The following PDE1A variants were observed in gnomAD, a reference collection of about 807,000 sequenced individuals.
The protein encoded by PDE1A is dual specificity calcium/calmodulin-dependent 3',5'-cyclic nucleotide phosphodiesterase 1A.
A neutral mutation model predicts 61.7 loss-of-function variants in PDE1A; 35 were observed. The observed-to-expected ratio is 0.57, with a 90% CI of 0.43 to 0.75. PDE1A has a LOEUF of 0.75. PDE1A is among the 30% of genes least tolerant of loss of function. The pLI is 0.00. For missense variants in PDE1A, 597 were observed against 630.6 expected (o/e 0.95, Z 0.57); for synonymous variants, 232 against 213.2 (o/e 1.09, Z -0.77).
At chr2:182,333,257 C>G (rs750096134) in intron 1 of PDE1A, among the ~76,000 whole-genome samples, 2 of 152,128 alleles carry the variant, frequency 1.3e-5, no homozygotes, top group African/African-American at 2.4e-5. Flanking sequence ...AACTCTCCAT[C>G]CCAAATCAAC....
rs1213273547 is a variant in PDE1A, at chr2:182,208,279, AG to A, written c.777-2215del. Among the ~76,000 whole-genome samples, 6 of 152,226 alleles carry A rather than the reference AG, an allele frequency of 3.9e-5. No individual in the cohort carries two copies. The East Asian group carries it at 1.2e-3, about 29-fold the overall frequency. On this transcript the variant is annotated intron_variant, in intron 7 of 13. Transcript: ENST00000351439. The stretch of plus-strand genomic sequence containing the variant: ...ACAGTTCTGCATGGCTGGTGGGGGC[AG>A]GGGCCTCAGGAAACTTACAATCATG...
chr2:182,550,198 G>A, the PDE1A span, among the ~76,000 whole-genome samples: 9 of 152,192 alleles, frequency 5.9e-5, no homozygotes, highest in Admixed American at 3.3e-4. Flanking sequence ...AGAATGACAC[G>A]TAACTAGTTG....
chr2:182,679,458 C>G, the PDE1A span, among the ~76,000 whole-genome samples: 20 of 150,992 alleles, frequency 1.3e-4, no homozygotes, highest in African/African-American at 4.9e-4. Flanking sequence ...GCCTCAGCCT[C>G]CCAAAGTGCT....
At chr2:182,508,109 CTTT>C (rs74984401) in intron 2 of PDE1A, among the ~76,000 whole-genome samples, 1 of 139,370 alleles carries the variant, frequency 7.2e-6, no homozygotes. Flanking sequence ...GGTTAGAATT[CTTT>C]TTTTTTTTTT....
intron 1 of PDE1A, among the ~76,000 whole-genome samples, chr2:182,319,211 CAG>C (rs1559333104): frequency 6.6e-6 from 1 of 152,110 alleles, no homozygotes; most frequent in Non-Finnish European, 1.5e-5. Context: ...CAGAATTATA[CAG>C]AGTTAGGAGA....
downstream of PDE1A, among the ~76,000 whole-genome samples, chr2:182,143,885 T>G (rs1331036988): frequency 1.3e-5 from 2 of 152,154 alleles, no homozygotes; most frequent in Non-Finnish European, 2.9e-5. Flanking sequence ...CTATTTCTGC[T>G]CTGGGTGTGT....
intron 2 of PDE1A, among the ~76,000 whole-genome samples, chr2:182,263,481 CT>C (rs1692376860): frequency 6.6e-6 from 1 of 152,050 alleles, no homozygotes; most frequent in South Asian, 2.1e-4. Flanking sequence ...TTTAAGAGAC[CT>C]CTATTCTACC....
chr2:182,203,940 T>G (rs1418005489), intron 8 of PDE1A, among the ~76,000 whole-genome samples: 1 of 152,086 alleles, frequency 6.6e-6, no homozygotes, highest in Non-Finnish European at 1.5e-5. Flanking sequence ...GTACACTATT[T>G]GTTAAAACAA....
intron 1 of PDE1A, among the ~76,000 whole-genome samples, chr2:182,393,546 A>G (rs1489671720): frequency 6.6e-6 from 1 of 152,132 alleles, no homozygotes; most frequent in African/African-American, 2.4e-5. Context: ...TCCTCAGAAG[A>G]TGGGTTTTTC....
At chr2:182,426,866 G>T (rs950769667) in exon 1 of PDE1A, 17 of 1,310,490 alleles carry the variant, frequency 1.3e-5, no homozygotes, top group Non-Finnish European at 1.7e-5. Flanking sequence ...AGCAGGGTGT[G>T]CAAAAACCAC....
the PDE1A span, among the ~76,000 whole-genome samples, chr2:182,538,189 A>G: frequency 3.3e-5 from 5 of 152,196 alleles, no homozygotes; most frequent in African/African-American, 1.2e-4. Flanking sequence ...CTGTTTATCC[A>G]GCCTAAAATA....
the PDE1A span, among the ~76,000 whole-genome samples, chr2:182,711,153 G>T: frequency 6.6e-6 from 1 of 152,150 alleles, no homozygotes; most frequent in East Asian, 1.9e-4. Flanking sequence ...TGAGATGTGT[G>T]TCCCTGCCAG....
At chr2:182,711,851 C>T in the PDE1A span, among the ~76,000 whole-genome samples, 1 of 152,034 alleles carries the variant, frequency 6.6e-6, no homozygotes, top group Non-Finnish European at 1.5e-5. Context: ...TCCATGAATG[C>T]ATAATAATAT....
At chr2:182,263,002 C>A (rs1289611138) in intron 2 of PDE1A, among the ~76,000 whole-genome samples, 2 of 121,564 alleles carry the variant, frequency 1.6e-5, no homozygotes, top group African/African-American at 3.2e-5. Context: ...TATCTGCGTG[C>A]CTGTGAAGTC....
intron 3 of PDE1A, among the ~76,000 whole-genome samples, chr2:182,237,163 A>G (rs887518850): frequency 6.6e-6 from 1 of 152,208 alleles, no homozygotes; most frequent in Admixed American, 6.5e-5. Flanking sequence ...AAGTTTCCAT[A>G]ATAGTTACAA....
At chr2:182,363,032 A>G (rs371142390) in intron 1 of PDE1A, among the ~76,000 whole-genome samples, 15 of 151,968 alleles carry the variant, frequency 9.9e-5, no homozygotes, top group Admixed American at 7.9e-4. Flanking sequence ...GGATACATAG[A>G]GGGAAATAAC....
chr2:182,715,781 A>G, the PDE1A span, among the ~76,000 whole-genome samples: 1 of 152,162 alleles, frequency 6.6e-6, no homozygotes, highest in African/African-American at 2.4e-5. Flanking sequence ...CAAGTTTCCT[A>G]CTGCCTCTTC....
At chr2:182,269,030 A>T (rs1242955768) in intron 1 of PDE1A, among the ~76,000 whole-genome samples, 2 of 152,182 alleles carry the variant, frequency 1.3e-5, no homozygotes, top group African/African-American at 4.8e-5. Context: ...ATGACAAAGA[A>T]GATAAATTAG....
At chr2:182,364,438 A>G (rs1699694651) in intron 1 of PDE1A, among the ~76,000 whole-genome samples, 1 of 135,418 alleles carries the variant, frequency 7.4e-6, no homozygotes, top group Admixed American at 8.2e-5. Flanking sequence ...CTTTCACAGC[A>G]TTCTCAGACT....
Sources: gnomAD v4.1 joint callset for allele counts (sites outside exome capture counted in the v4.1 genomes callset) on GRCh38, gnomAD v4.1.1 for gene constraint, MANE v1.5 for transcripts, NCBI Gene and HGNC (gene_info 2026-07-23, HGNC 2026-07-21) for gene names.